STS: variants seen among roughly 807,000 people sequenced by gnomAD.
STS encodes the protein steryl-sulfatase.
Under a neutral mutation model 26.8 loss-of-function variants are expected in STS, and 7 were observed. The observed-to-expected ratio is 0.26, with a 90% CI of 0.15 to 0.49. The LOEUF is 0.49. Among genes scored for constraint, STS ranks in the 20% least tolerant of loss-of-function variants. STS has a pLI of 0.98. For synonymous variants in STS, 199 were observed against 189.4 expected (o/e 1.05, Z -0.42); for missense variants, 434 against 465.6 (o/e 0.93, Z 0.63).
chrX:7,155,779 T>A (rs1933120215), intron 1 of STS, among the ~76,000 whole-genome samples: 1 of 112,039 alleles, frequency 8.9e-6, no homozygotes, highest in African/African-American at 3.2e-5. Context: ...AAAACCAATT[T>A]TTTTCTCATC....
At chrX:7,297,440 C>A (rs1359246086) in intron 7 of STS, among the ~76,000 whole-genome samples, 1 of 111,320 alleles carries the variant, frequency 9.0e-6, no homozygotes, top group East Asian at 2.8e-4. Flanking sequence ...GTTCAGCCAG[C>A]AGAATTCTTT....
intron 7 of STS, among the ~76,000 whole-genome samples, chrX:7,284,373 A>G (rs2147116691): frequency 8.9e-6 from 1 of 111,849 alleles, no homozygotes; most frequent in East Asian, 2.8e-4. Flanking sequence ...GCTCAATGGC[A>G]TTAAGGCAGT....
chrX:7,247,598 A>G (rs1156348408), intron 2 of STS, among the ~76,000 whole-genome samples: 1 of 112,118 alleles, frequency 8.9e-6, no homozygotes, highest in Non-Finnish European at 1.9e-5. Context: ...CTCTCTCATT[A>G]CTGGATGTCT....
chrX:7,346,596 G>A (rs752341500), intron 10 of STS, among the ~76,000 whole-genome samples: 4 of 110,921 alleles, frequency 3.6e-5, no homozygotes, highest in Admixed American at 1.9e-4. Flanking sequence ...AATACTTATC[G>A]TTTTCAGTGG....
chrX:7,203,792 A>G (rs1424382323), intron 2 of STS, among the ~76,000 whole-genome samples: 1 of 107,837 alleles, frequency 9.3e-6, no homozygotes, highest in Non-Finnish European at 1.9e-5. Context: ...ATATATATAT[A>G]GAGAGAGAGA....
intron 2 of STS, among the ~76,000 whole-genome samples, chrX:7,224,310 G>A (rs1921708263): frequency 9.0e-6 from 1 of 111,620 alleles, no homozygotes; most frequent in African/African-American, 3.3e-5. Flanking sequence ...CAGGGGTAGG[G>A]TTAGTCCCTC....
intron 8 of STS, among the ~76,000 whole-genome samples, chrX:7,325,114 G>C (rs1187290899): frequency 1.8e-5 from 2 of 111,839 alleles, no homozygotes; most frequent in African/African-American, 3.3e-5. Context: ...TTTTGTTCAA[G>C]ATGCCATACA....
intron 2 of STS, among the ~76,000 whole-genome samples, chrX:7,223,121 A>G (rs1921648447): frequency 8.9e-6 from 1 of 111,990 alleles, no homozygotes; most frequent in Non-Finnish European, 1.9e-5. Flanking sequence ...GAATATATAT[A>G]TACCACTTTT....
At chrX:7,204,402 C>T (rs1417372521) in intron 2 of STS, among the ~76,000 whole-genome samples, 1 of 111,163 alleles carries the variant, frequency 9.0e-6, no homozygotes, top group Non-Finnish European at 1.9e-5. Context: ...ATTGTTTTCT[C>T]ATTCATCATT....
chrX:7,279,279 G>GAAAA (rs1224859237), intron 7 of STS, among the ~76,000 whole-genome samples: 4 of 47,212 alleles, frequency 8.5e-5, no homozygotes, highest in African/African-American at 3.9e-4. Flanking sequence ...ACTCCAGGAA[G>GAAAA]AAAAAAAAAA....
intron 2 of STS, among the ~76,000 whole-genome samples, chrX:7,235,812 TGAA>T (rs1403454553): frequency 1.8e-5 from 2 of 111,632 alleles, no homozygotes; most frequent in Non-Finnish European, 3.8e-5. Flanking sequence ...TAAAGGAAAT[TGAA>T]GTCCTAGCAG....
At position 7,256,780 on chromosome X, in the gene STS, C is replaced by T. The variant is rs754438934; in HGVS notation, c.138-462C>T. ...ATGAATGGACCTTTTGGGGATGTCC[C>T]GCCTGCATCATTCACACATCTGCAT... On this transcript the variant is annotated intron_variant, in intron 3 of 10. Transcript: ENST00000674429. Among the ~76,000 whole-genome samples the T allele has an allele frequency of 6.3e-5, 7 of 111,581 alleles. 1 individual carries two copies. In the South Asian group the frequency reaches 2.6e-3, roughly 42 times the overall value.
chrX:7,151,880 C>T (rs1380195092), intron 1 of STS, among the ~76,000 whole-genome samples: 2 of 111,778 alleles, frequency 1.8e-5, no homozygotes, highest in Admixed American at 1.9e-4. Flanking sequence ...AGACCATTGA[C>T]CCCCTCCTGG....
chrX:7,261,203 T>C (rs1923730864), intron 6 of STS, among the ~76,000 whole-genome samples: 1 of 111,461 alleles, frequency 9.0e-6, no homozygotes, highest in Non-Finnish European at 1.9e-5. Flanking sequence ...GTTTGGTCTT[T>C]ATGGTGACTT....
At chrX:7,218,077 C>T (rs950963555) in intron 2 of STS, among the ~76,000 whole-genome samples, 10 of 111,562 alleles carry the variant, frequency 9.0e-5, no homozygotes, top group Non-Finnish European at 3.8e-5. Context: ...CATTTCTCAG[C>T]CTCTCTCTTG....
chrX:7,288,157 CT>C (rs58390637), intron 7 of STS, among the ~76,000 whole-genome samples: 106 of 99,598 alleles, frequency 1.1e-3, no homozygotes, highest in Non-Finnish European at 1.5e-3. Flanking sequence ...TTTTTCCTGC[CT>C]TTTTTTTTTG....
chrX:7,297,366 G>T (rs1925718305), intron 7 of STS, among the ~76,000 whole-genome samples: 1 of 109,412 alleles, frequency 9.1e-6, no homozygotes, highest in South Asian at 4.0e-4. Flanking sequence ...AAGAAACATT[G>T]GTATATAAGG....
chrX:7,246,080 C>T (rs1922854401), intron 2 of STS, among the ~76,000 whole-genome samples: 1 of 112,009 alleles, frequency 8.9e-6, no homozygotes, highest in African/African-American at 3.2e-5. Flanking sequence ...AGATGTTGAA[C>T]GCAATGAAGA....
chrX:7,285,157 A>G (rs1469580734), intron 7 of STS, among the ~76,000 whole-genome samples: 1 of 111,284 alleles, frequency 9.0e-6, no homozygotes, highest in Non-Finnish European at 1.9e-5. Context: ...CAATTTTACA[A>G]GAAGTATAGA....
Sources: allele counts gnomAD v4.1 joint callset (sites outside exome capture counted in the v4.1 genomes callset), GRCh38; gene constraint gnomAD v4.1.1; transcripts MANE v1.5; gene names NCBI Gene and HGNC (gene_info 2026-07-23, HGNC 2026-07-21).